IL36G: variants seen among roughly 807,000 people sequenced by gnomAD.
The protein encoded by IL36G is interleukin 36 gamma.
IL36G carries 10 observed loss-of-function variants against 13.5 expected under a neutral mutation model. That is an observed-to-expected ratio of 0.74 (90% CI 0.46 to 1.26). The LOEUF is 1.26. Among genes scored for constraint, IL36G ranks in the 50% most tolerant of loss-of-function variants. The probability of loss-of-function intolerance (pLI) is 0.00; values close to 1 mark genes in which losing one functional copy is unlikely to be tolerated. For missense variants in IL36G, 199 were observed against 203.0 expected (o/e 0.98, Z 0.12); for synonymous variants, 84 against 74.0 (o/e 1.13, Z -0.69).
chr2:112,981,824 T>C (rs1187273981), intron 4 of IL36G, among the ~76,000 whole-genome samples: 1 of 152,224 alleles, frequency 6.6e-6, no homozygotes, highest in African/African-American at 2.4e-5. Context: ...TTCCTGAAAT[T>C]TCAATCTTTA....
intron 1 of IL36G, 143 bp from the exon 2 acceptor site, chr2:112,978,477 G>A (rs1258926109): frequency 9.1e-6 from 6 of 661,392 alleles, no homozygotes; most frequent in South Asian, 5.4e-5. Context: ...CGTCCCAGAT[G>A]TGGCTCAGAA....
At chr2:112,981,353 A>C in intron 4 of IL36G, 1 of 764,814 alleles carries the variant, frequency 1.3e-6, no homozygotes. Flanking sequence ...TTTAGCAGAC[A>C]ACTTTGCGGG....
intron 2 of IL36G, 45 bp from the exon 3 acceptor site, chr2:112,979,176 C>A: frequency 7.8e-7 from 1 of 1,278,674 alleles, no homozygotes; most frequent in Non-Finnish European, 1.1e-6. Context: ...GTAAAGCAGC[C>A]TTGATTATAA....
Position 112,980,135 on chromosome 2 carries a change from C to T in IL36G, c.287C>T (p.Thr96Ile), listed in dbSNP as rs1684238452. Residue 96 changes from threonine to isoleucine, a missense_variant, in exon 4 of 5, where the codon ACA (threonine) becomes ATA (isoleucine). Transcript: ENST00000259205. ...TGTGAGAAGGTTGGAGAACAGCCCA[C>T]ATTGCAGCTAAAAGTGAGTAGCTAA... ...LYCEKVGEQP[T>I]LQLKEQKIMD... 6.2e-7 allele frequency: 1 copy of T among 1,613,726 alleles called. No individual in the cohort carries two copies. Among genetic ancestry groups the T allele is most frequent in the African/African-American group, 1.3e-5 (1 of 75,034 alleles).
intron 4 of IL36G, chr2:112,981,390 T>C: frequency 2.7e-6 from 2 of 732,768 alleles, no homozygotes; most frequent in Non-Finnish European, 5.0e-6. Context: ...TCCTTCACCT[T>C]GGCTTATCTC....
rs1684234846 is a variant in IL36G at position 112,980,001 on chromosome 2, C to G, written c.161-8C>G. 5 of 1,611,672 alleles carry G rather than the reference C, an allele frequency of 3.1e-6. No homozygotes were observed. The highest frequency in any genetic ancestry group is 1.7e-4 in the Middle Eastern group (1 of 6,050). On this transcript the variant is annotated splice_polypyrimidine_tract_variant and splice_region_variant and intron_variant, in intron 3 of 4. Coordinates refer to ENST00000259205, the MANE Select transcript of IL36G (RefSeq NM_019618.4). Reference sequence around the variant, plus strand: ...AAACTGATACCATCTCTCCTCTTATCTTTACAGTCACTGTTGCTGTTATCA... The same window carrying G: ...AAACTGATACCATCTCTCCTCTTATGTTTACAGTCACTGTTGCTGTTATCA...
Position 112,981,248 on chromosome 2 carries a change from C to T in IL36G, c.300+1100C>T, listed in dbSNP as rs1226756209. 5 of 1,400,792 alleles carry T rather than the reference C, an allele frequency of 3.6e-6. No homozygotes were observed. The Admixed American group carries it at 6.7e-5, about 19-fold the overall frequency. The allele number at this position is 1,400,792 out of a possible 1,614,324, so 86.8% of individuals were successfully genotyped here. ...TTCTGCAGAGTTATTCCCCTCCTTG[C>T]CAGCATCAGCTTTTCCCTTTTTCCC... On this transcript the variant is annotated intron_variant, in intron 4 of 4. Coordinates refer to ENST00000259205, the MANE Select transcript of IL36G (RefSeq NM_019618.4).
intron 4 of IL36G, among the ~76,000 whole-genome samples, chr2:112,983,099 C>G (rs1684295415): frequency 6.6e-6 from 1 of 152,074 alleles, no homozygotes; most frequent in African/African-American, 2.4e-5. Flanking sequence ...ACCTTTCACC[C>G]AGTCCTCCTC....
intron 4 of IL36G, among the ~76,000 whole-genome samples, chr2:112,984,631 C>G (rs948421524): frequency 1.3e-5 from 2 of 152,176 alleles, no homozygotes; most frequent in African/African-American, 4.8e-5. Flanking sequence ...CCTACACCAT[C>G]TCTGGATTTG....
chr2:112,983,382 G>T (rs546493736), intron 4 of IL36G, among the ~76,000 whole-genome samples: 1 of 152,140 alleles, frequency 6.6e-6, no homozygotes, highest in Non-Finnish European at 1.5e-5. Context: ...GAATAAATAC[G>T]CTAAGTTTAG....
In IL36G at chr2:112,984,978, C is replaced by A; in HGVS notation, c.439C>A (p.Gln147Lys). ...GTTCATTGCCTCCTCCAAGAGAGAC[C>A]AGCCCATCATTCTGACTTCAGAACT... Reference protein sequence around the residue: ...DWFIASSKRDQPIILTSELGK... With the variant: ...DWFIASSKRDKPIILTSELGK... The change falls in exon 5 of 5, where the codon CAG becomes AAG. Residue 147 changes from glutamine (Q) to lysine (K), a missense_variant. By Grantham distance (53) the Gln-to-Lys change is moderately conservative. Transcript: ENST00000259205. The A allele has an allele frequency of 1.2e-6, 2 of 1,614,078 alleles. No individual in the cohort carries two copies. Among genetic ancestry groups the A allele is most frequent in the East Asian group, 2.2e-5 (1 of 44,886 alleles).
intron 4 of IL36G, among the ~76,000 whole-genome samples, chr2:112,980,835 T>G (rs11683399): frequency 0.27 from 41,787 of 152,098 alleles, 7,354 homozygotes; most frequent in Admixed American, 0.41. Context: ...GACATAAAAA[T>G]GAATTTATTT....
rs1294218499 is a variant in IL36G at position 112,978,646 on chromosome 2, G to A, written c.8G>A (p.Gly3Asp). Residue 3 changes from glycine (G) to aspartate (D), a missense_variant, in exon 2 of 5, where the codon GGC becomes GAC. Transcript: ENST00000259205. ...TGCTGAGACAACCACACTATGAGAGGCACTCCAGGAGACGCTGATGGTGGA... is the reference window on the plus strand; with the variant it reads ...TGCTGAGACAACCACACTATGAGAGACACTCCAGGAGACGCTGATGGTGGA... Reference protein sequence around the residue: MRGTPGDADGGGR... With the variant: MRDTPGDADGGGR... 3 of 1,614,118 alleles carry A rather than the reference G, an allele frequency of 1.9e-6. No homozygotes were observed. The highest frequency in any genetic ancestry group is 1.3e-5 in the African/African-American group (1 of 75,044).
intron 4 of IL36G, among the ~76,000 whole-genome samples, chr2:112,980,587 A>G (rs572328574): frequency 6.6e-6 from 1 of 152,382 alleles, no homozygotes; most frequent in Non-Finnish European, 1.5e-5. Context: ...CATGTGGTTT[A>G]AACTTTTCAC....
Position 112,980,119 on chromosome 2 carries a change from G to A in IL36G, c.271G>A (p.Val91Ile), listed in dbSNP as rs549428079. The change falls in exon 4 of 5, where the codon GTT (valine) becomes ATT (isoleucine). Residue 91 changes from valine (V) to isoleucine (I), a missense_variant. Coordinates refer to ENST00000259205, the MANE Select transcript of IL36G (RefSeq NM_019618.4). ...NPEMCLYCEK[V>I]GEQPTLQLKE... ...AGAAATGTGTTTGTATTGTGAGAAG[G>A]TTGGAGAACAGCCCACATTGCAGCT... 1.2e-6 allele frequency: 2 copies of A among 1,614,148 alleles called. No individual in the cohort carries two copies. Among genetic ancestry groups the A allele is most frequent in the Admixed American group, 1.7e-5 (1 of 60,016 alleles).
rs1684223325 is a variant in IL36G, at chr2:112,979,395, G to A, written c.160+70G>A. ...GCTGGGAAGCTGGCATCAGCCTTTT[G>A]TAAAAGTGTGACTTTACAATGGGGC... On this transcript the variant is annotated intron_variant, in intron 3 of 4. Coordinates refer to ENST00000259205, the MANE Select transcript of IL36G (RefSeq NM_019618.4). 18 of 898,226 alleles carry A rather than the reference G, an allele frequency of 2.0e-5. No homozygotes were observed. The South Asian group carries it at 2.6e-4, about 13-fold the overall frequency. The allele number at this position is 898,226 out of a possible 1,614,324, so 55.6% of individuals were successfully genotyped here. A position where few individuals can be genotyped will look rare whatever the true frequency, so the allele number is the denominator to read the frequency against.
intron 3 of IL36G, 99 bp downstream of exon 3, chr2:112,979,424 C>A: frequency 1.5e-6 from 1 of 688,294 alleles, no homozygotes; most frequent in Non-Finnish European, 2.6e-6. Flanking sequence ...ATGGGGCCCA[C>A]CAGGAGTGGG....
intron 4 of IL36G, among the ~76,000 whole-genome samples, chr2:112,982,969 G>A (rs1457490932): frequency 1.3e-5 from 2 of 152,164 alleles, no homozygotes; most frequent in African/African-American, 4.8e-5. Context: ...GTTTAAGATG[G>A]TAGAAATGAC....
chr2:112,980,159 A>G lies in IL36G; in HGVS notation c.300+11A>G. 6.2e-7 allele frequency: 1 copy of G among 1,606,454 alleles called. No individual in the cohort carries two copies. The highest frequency in any genetic ancestry group is 1.3e-5 in the African/African-American group (1 of 74,510). Reference sequence around the variant, plus strand: ...ACATTGCAGCTAAAAGTGAGTAGCTAAGAAAAATATTTAAAAAGCCTTTCC... The same window carrying G: ...ACATTGCAGCTAAAAGTGAGTAGCTGAGAAAAATATTTAAAAAGCCTTTCC... On this transcript the variant is annotated intron_variant, in intron 4 of 4. Transcript: ENST00000259205.
Sources: gnomAD v4.1 joint callset for allele counts (sites outside exome capture counted in the v4.1 genomes callset) on GRCh38, gnomAD v4.1.1 for gene constraint, MANE v1.5 for transcripts, NCBI Gene and HGNC (gene_info 2026-07-23, HGNC 2026-07-21) for gene names.